The following DOCK3 variants were observed in gnomAD, a reference collection of about 807,000 sequenced individuals.
The protein encoded by DOCK3 is dedicator of cytokinesis 3, also known as dedicator of cytokinesis protein 3.
DOCK3 carries 60 observed loss-of-function variants against 265.6 expected under a neutral mutation model. The ratio of observed to expected loss-of-function variants is 0.23; its 90% CI spans 0.18 to 0.28. The LOEUF (loss-of-function observed/expected upper bound fraction) is 0.28, where lower values mean the gene tolerates loss of function less well. DOCK3 is among the 10% of genes least tolerant of loss of function. The probability of loss-of-function intolerance (pLI) is 1.00; values close to 1 mark genes in which losing one functional copy is unlikely to be tolerated. For synonymous variants in DOCK3, 881 were observed against 938.0 expected (o/e 0.94, Z 1.11); for missense variants, 1,981 against 2,594.3 (o/e 0.76, Z 5.14).
chr3:51,080,423 T>A (rs923281745), intron 7 of DOCK3, among the ~76,000 whole-genome samples: 5 of 152,214 alleles, frequency 3.3e-5, no homozygotes, highest in Admixed American at 6.5e-5. Context: ...AGTCTAGAGT[T>A]ACGTAGCAAA....
At chr3:50,853,857 GT>G (rs2046451308) in intron 3 of DOCK3, among the ~76,000 whole-genome samples, 1 of 92,444 alleles carries the variant, frequency 1.1e-5, no homozygotes. Flanking sequence ...TTGAATGGTA[GT>G]TCTATTTTTT....
At chr3:50,991,626 T>A (rs1271900632) in intron 5 of DOCK3, among the ~76,000 whole-genome samples, 1 of 152,152 alleles carries the variant, frequency 6.6e-6, no homozygotes, top group African/African-American at 2.4e-5. Flanking sequence ...CACAGAGTTT[T>A]ACACAATAAT....
At chr3:51,205,205 A>G (rs1044220845) in intron 12 of DOCK3, among the ~76,000 whole-genome samples, 1 of 151,986 alleles carries the variant, frequency 6.6e-6, no homozygotes, top group African/African-American at 2.4e-5. Context: ...GTGAAAAAAA[A>G]AGAAAAAGAA....
chr3:50,871,176 A>AT (rs1332131577), intron 3 of DOCK3, among the ~76,000 whole-genome samples: 3 of 151,642 alleles, frequency 2.0e-5, no homozygotes, highest in Admixed American at 6.6e-5. Context: ...TCCCTTTAGC[A>AT]TTTTTTGTAG....
chr3:50,693,173 T>A (rs749213806), intron 1 of DOCK3, among the ~76,000 whole-genome samples: 5 of 152,178 alleles, frequency 3.3e-5, no homozygotes, highest in Admixed American at 6.6e-5. Flanking sequence ...TCCTCCAACT[T>A]TGTTCTAATT....
intron 10 of DOCK3, among the ~76,000 whole-genome samples, chr3:51,148,725 A>G (rs1430843305): frequency 9.9e-5 from 15 of 152,188 alleles, no homozygotes; most frequent in Non-Finnish European, 2.2e-4. Flanking sequence ...TACCAGTACC[A>G]TGCTGTTTTG....
intron 5 of DOCK3, among the ~76,000 whole-genome samples, chr3:51,045,945 C>T (rs1267951024): frequency 6.6e-6 from 1 of 152,074 alleles, no homozygotes. Context: ...TGGGTAGCAG[C>T]TCTCCTGCTC....
chr3:50,834,822 T>C (rs1275673844), intron 2 of DOCK3, among the ~76,000 whole-genome samples: 1 of 152,188 alleles, frequency 6.6e-6, no homozygotes. Flanking sequence ...CTTTTTCCTG[T>C]GGTTATTCAA....
intron 5 of DOCK3, among the ~76,000 whole-genome samples, chr3:50,997,072 T>C (rs2078312676): frequency 6.6e-6 from 1 of 152,230 alleles, no homozygotes; most frequent in Non-Finnish European, 1.5e-5. Flanking sequence ...CAGTGACCTT[T>C]TGTGTTTATA....
At chr3:51,084,983 A>G (rs1182181755) in intron 7 of DOCK3, among the ~76,000 whole-genome samples, 1 of 152,192 alleles carries the variant, frequency 6.6e-6, no homozygotes, top group African/African-American at 2.4e-5. Context: ...GAAGGGATGG[A>G]AAAAAAATTC....
At chr3:50,718,601 C>T (rs2037274157) in intron 1 of DOCK3, among the ~76,000 whole-genome samples, 1 of 151,966 alleles carries the variant, frequency 6.6e-6, no homozygotes, top group African/African-American at 2.4e-5. Context: ...ATTTTTCATC[C>T]TCCCACAAGA....
At position 51,328,247 on chromosome 3, in the gene DOCK3, G is replaced by A. The variant is rs980123649; in HGVS notation, c.3403-1891G>A. 2.0e-5 allele frequency among the ~76,000 whole-genome samples: 3 copies of A among 152,178 alleles called. No homozygotes were observed. The South Asian group carries it at 6.2e-4, about 32-fold the overall frequency. On this transcript the variant is annotated intron_variant, in intron 32 of 52. Coordinates refer to ENST00000266037, the MANE Select transcript of DOCK3 (RefSeq NM_004947.5). ...ACTGTTGTACTCTCTGCTGCTCCAGGTCCCCTCCCCACATTTTTGCTCTGT... is the reference window on the plus strand; with the variant it reads ...ACTGTTGTACTCTCTGCTGCTCCAGATCCCCTCCCCACATTTTTGCTCTGT...
At chr3:50,799,977 T>C (rs959261578) in intron 2 of DOCK3, among the ~76,000 whole-genome samples, 2 of 152,248 alleles carry the variant, frequency 1.3e-5, no homozygotes, top group Non-Finnish European at 2.9e-5. Flanking sequence ...TCCTTCATTT[T>C]ATTGATATGA....
chr3:50,953,019 T>C (rs1479150230), intron 5 of DOCK3, among the ~76,000 whole-genome samples: 1 of 152,154 alleles, frequency 6.6e-6, no homozygotes, highest in Non-Finnish European at 1.5e-5. Flanking sequence ...CCTTAGAAGA[T>C]GTCACAGTTC....
In DOCK3 at chr3:50,948,021, A is replaced by AATTATCATT. The variant is rs1425455436; in HGVS notation, c.315+13949_315+13950insCATTATTAT. Among the ~76,000 whole-genome samples the AATTATCATT allele has an allele frequency of 2.7e-3, 322 of 120,332 alleles. 11 individuals are homozygous for AATTATCATT. The highest frequency in any genetic ancestry group is 6.8e-3 in the East Asian group (27 of 3,992). 78.9% of individuals were successfully genotyped at this position (120,332 alleles called of 152,430 possible). A position where few individuals can be genotyped will look rare whatever the true frequency, so the allele number is the denominator to read the frequency against. On this transcript the variant is annotated intron_variant, in intron 5 of 52. Coordinates refer to ENST00000266037, the MANE Select transcript of DOCK3 (RefSeq NM_004947.5). Reference sequence around the variant, plus strand: ...CAGGCACCTGCCACCACGCCCAGCTAATTATTATTATTATTATTATTATTA... The same window carrying AATTATCATT: ...CAGGCACCTGCCACCACGCCCAGCTAATTATCATTATTATTATTATTATTATTATTATTA...
intron 5 of DOCK3, among the ~76,000 whole-genome samples, chr3:50,935,898 A>C (rs772583789): frequency 1.3e-5 from 2 of 152,244 alleles, no homozygotes; most frequent in Non-Finnish European, 2.9e-5. Flanking sequence ...GTGTCATAGT[A>C]TAATAATGTT....
chr3:50,892,116 G>A, intron 4 of DOCK3, among the ~76,000 whole-genome samples: 1 of 152,080 alleles, frequency 6.6e-6, no homozygotes, highest in East Asian at 1.9e-4. Flanking sequence ...ATTGTCTGCA[G>A]GCACTGGAGA....
intron 4 of DOCK3, chr3:50,900,864 C>CA: frequency 2.4e-6 from 1 of 418,524 alleles, no homozygotes; most frequent in Admixed American, 2.7e-5. Context: ...CCCAGAGGGG[C>CA]ACCCACCAGA....
At chr3:50,863,708 GAACA>G (rs1161799887) in intron 3 of DOCK3, among the ~76,000 whole-genome samples, 11 of 152,280 alleles carry the variant, frequency 7.2e-5, no homozygotes, top group African/African-American at 2.4e-4. Flanking sequence ...GCCATCTTGA[GAACA>G]AACAAACTCT....
Sources: allele counts gnomAD v4.1 joint callset (sites outside exome capture counted in the v4.1 genomes callset), GRCh38; gene constraint gnomAD v4.1.1; transcripts MANE v1.5; gene names NCBI Gene and HGNC (gene_info 2026-07-23, HGNC 2026-07-21).